Variants in NRP1 observed in about 807,000 individuals in gnomAD.
NRP1 encodes the protein neuropilin 1, also known as neuropilin-1.
NRP1 carries 35 observed loss-of-function variants against 106.7 expected under a neutral mutation model. The observed-to-expected ratio is 0.33, with a 90% CI of 0.25 to 0.43. The LOEUF (loss-of-function observed/expected upper bound fraction) is 0.43. NRP1 is among the 20% of genes least tolerant of loss of function. NRP1 has a pLI of 1.00. For missense variants in NRP1, 1,024 were observed against 1,170.4 expected, an observed-to-expected ratio of 0.87 and a Z score of 1.83; for synonymous variants, 437 against 417.9, an observed-to-expected ratio of 1.05 and a Z score of -0.56.
intron 2 of NRP1, among the ~76,000 whole-genome samples, chr10:33,294,616 T>G: frequency 2.0e-5 from 1 of 50,134 alleles, no homozygotes; most frequent in African/African-American, 4.5e-5. Flanking sequence ...AAACTCCGTC[T>G]CAAAAAAAAA....
In NRP1 at chr10:33,222,497, A is replaced by AGATT. The variant is rs199656065; in HGVS notation, c.1138-638_1138-635dup. Among the ~76,000 whole-genome samples, 468 of 136,322 alleles carry AGATT rather than the reference A, an allele frequency of 3.4e-3. 1 individual carries two copies. The highest frequency in any genetic ancestry group is 0.015 in the Middle Eastern group (4 of 270). 89.4% of individuals were successfully genotyped at this position (136,322 alleles called of 152,430 possible). On this transcript the variant is annotated intron_variant, in intron 7 of 16. Coordinates refer to ENST00000374867, the MANE Select transcript of NRP1 (RefSeq NM_003873.7). The stretch of plus-strand genomic sequence containing the variant: ...CAGTTTTTCCAGGGCTTGTGCGTCA[A>AGATT]GATTTATTTATTTATTTATTTATTT...
intron 6 of NRP1, among the ~76,000 whole-genome samples, chr10:33,240,011 A>G (rs773641017): frequency 8.5e-5 from 13 of 152,206 alleles, no homozygotes; most frequent in Admixed American, 2.6e-4. Context: ...AGTTGTTGGA[A>G]TTGGAGCTTT....
intron 2 of NRP1, among the ~76,000 whole-genome samples, chr10:33,281,748 A>T (rs1341805513): frequency 6.6e-6 from 1 of 152,202 alleles, no homozygotes; most frequent in Non-Finnish European, 1.5e-5. Flanking sequence ...AGGGAGAAAT[A>T]AACGAAATCA....
chr10:33,272,455 A>G (rs904322846), intron 2 of NRP1, among the ~76,000 whole-genome samples: 1 of 152,172 alleles, frequency 6.6e-6, no homozygotes, highest in African/African-American at 2.4e-5. Flanking sequence ...ATACTTTGGG[A>G]AATGCTTTGC....
At position 33,259,852 on chromosome 10, in the gene NRP1, AT is replaced by A. The variant is rs994368116; in HGVS notation, c.659-3382del. Among the ~76,000 whole-genome samples the A allele has an allele frequency of 2.2e-4, 33 of 150,608 alleles. 1 individual carries two copies. Among genetic ancestry groups the A allele is most frequent in the South Asian group, 1.9e-3 (9 of 4,702 alleles). On this transcript the variant is annotated intron_variant, in intron 4 of 16. Coordinates refer to ENST00000374867, the MANE Select transcript of NRP1 (RefSeq NM_003873.7). ...TGATCTACTATAAAGAGGTACTTAA[AT>A]TTTTTTTTTTCTTTTTTAGAGATGG... is the stretch of plus-strand genomic sequence containing the variant.
chr10:33,269,663 C>T (rs1038995732), intron 3 of NRP1, among the ~76,000 whole-genome samples: 57 of 152,134 alleles, frequency 3.7e-4, no homozygotes, highest in Non-Finnish European at 5.4e-4. Flanking sequence ...GAGTGGCAGG[C>T]GAGCAAAGTG....
At chr10:33,263,500 G>T (rs1245543317) in intron 4 of NRP1, 146 bp downstream of exon 4, 3 of 606,034 alleles carry the variant, frequency 5.0e-6, no homozygotes, top group East Asian at 2.8e-5. Context: ...TTTCATCACT[G>T]CTCTGAATAT....
At chr10:33,330,994 C>T in intron 1 of NRP1, 112 bp from the exon 2 acceptor site, 3 of 889,302 alleles carry the variant, frequency 3.4e-6, no homozygotes, top group Non-Finnish European at 5.0e-6. Context: ...AAGGGGAACT[C>T]TAAAAGGTCC....
intron 2 of NRP1, among the ~76,000 whole-genome samples, chr10:33,323,923 C>T (rs1847706807): frequency 6.6e-6 from 1 of 152,164 alleles, no homozygotes; most frequent in Admixed American, 6.5e-5. Flanking sequence ...GCATATGTCT[C>T]ACTTGGATCA....
At position 33,334,377 on chromosome 10, in the gene NRP1, C is replaced by A. The variant is rs1482222602; in HGVS notation, c.6G>T (p.Glu2Asp). 6.5e-7 allele frequency: 1 copy of A among 1,545,584 alleles called. No homozygotes were observed. The highest frequency in any genetic ancestry group is 8.7e-7 in the Non-Finnish European group (1 of 1,147,150). M[E>D]RGLPLLCAVL... is the part of the protein sequence containing the mutation. Reference sequence around the variant, plus strand: ...CGGCGCAGAGGAGCGGCAGCCCCCTCTCCATTCTCCCTTCTCCGGGTCCGC... The same window carrying A: ...CGGCGCAGAGGAGCGGCAGCCCCCTATCCATTCTCCCTTCTCCGGGTCCGC... The change falls in exon 1 of 17, where the codon GAG (glutamate) becomes GAT (aspartate). Residue 2 changes from glutamate to aspartate, a missense_variant. Coordinates refer to ENST00000374867, the MANE Select transcript of NRP1 (RefSeq NM_003873.7).
intron 4 of NRP1, among the ~76,000 whole-genome samples, chr10:33,263,309 G>A (rs1305669508): frequency 2.0e-5 from 3 of 152,198 alleles, no homozygotes; most frequent in African/African-American, 7.2e-5. Flanking sequence ...GTGAATTAAT[G>A]ATGAGTAGCC....
intron 16 of NRP1, among the ~76,000 whole-genome samples, chr10:33,181,473 G>A (rs1393711246): frequency 2.0e-5 from 3 of 152,164 alleles, no homozygotes; most frequent in Non-Finnish European, 2.9e-5. Flanking sequence ...CATTTCTAAG[G>A]GCAACAGATG....
At chr10:33,274,630 T>C (rs1204493209) in intron 2 of NRP1, among the ~76,000 whole-genome samples, 1 of 151,994 alleles carries the variant, frequency 6.6e-6, no homozygotes. Flanking sequence ...CTCTCTACAG[T>C]GGAGATGGTT....
At chr10:33,216,651 A>C (rs1015356058) in intron 8 of NRP1, among the ~76,000 whole-genome samples, 5 of 151,016 alleles carry the variant, frequency 3.3e-5, no homozygotes, top group Admixed American at 6.6e-5. Flanking sequence ...TATGTTGCCC[A>C]GGCTGCTCTC....
chr10:33,183,211 C>T (rs1279328391), intron 15 of NRP1, among the ~76,000 whole-genome samples: 2 of 151,778 alleles, frequency 1.3e-5, no homozygotes, highest in Non-Finnish European at 2.9e-5. Context: ...GAGGCTGAGG[C>T]GGAAGGAGAG....
rs1835457815 is a variant in NRP1 at position 33,177,644 on chromosome 10, T to C, written c.*2432A>G. ...TCATTTAAAGTTAAGGCTTCGCTGT[T>C]CATTTTGAAACAACAATTTACAAGT... On this transcript the variant is annotated 3_prime_UTR_variant, in exon 17 of 17. Coordinates refer to ENST00000374867, the MANE Select transcript of NRP1 (RefSeq NM_003873.7). 1 of 152,646 alleles carries C rather than the reference T, an allele frequency of 6.6e-6. No individual in the cohort carries two copies. The highest frequency in any genetic ancestry group is 2.4e-5 in the African/African-American group (1 of 41,466). The allele number at this position is 152,646 out of a possible 1,614,324, so 9.5% of individuals were successfully genotyped here.
At chr10:33,305,214 C>T (rs1232183818) in intron 2 of NRP1, among the ~76,000 whole-genome samples, 1 of 152,140 alleles carries the variant, frequency 6.6e-6, no homozygotes, top group Non-Finnish European at 1.5e-5. Context: ...ATATAATCTA[C>T]AAAAATGATT....
intron 8 of NRP1, among the ~76,000 whole-genome samples, chr10:33,217,758 C>G (rs779633699): frequency 6.6e-6 from 1 of 152,180 alleles, no homozygotes; most frequent in Non-Finnish European, 1.5e-5. Flanking sequence ...TTGTATTTCA[C>G]TTGGCAGCCT....
At chr10:33,217,650 A>G (rs1039170462) in intron 8 of NRP1, among the ~76,000 whole-genome samples, 2 of 152,216 alleles carry the variant, frequency 1.3e-5, no homozygotes, top group African/African-American at 4.8e-5. Flanking sequence ...GAAATAATGA[A>G]TAATTTTTTA....
Sources: gnomAD v4.1 joint callset for allele counts (sites outside exome capture counted in the v4.1 genomes callset) on GRCh38, gnomAD v4.1.1 for gene constraint, MANE v1.5 for transcripts, NCBI Gene and HGNC (gene_info 2026-07-23, HGNC 2026-07-21) for gene names.